Variants in FCHO2 observed in about 807,000 individuals in gnomAD.
The protein encoded by FCHO2 is FCH and mu domain containing endocytic adaptor 2, also known as F-BAR domain only protein 2.
Under a neutral mutation model 114.1 loss-of-function variants are expected in FCHO2, and 43 were observed. That is an observed-to-expected ratio of 0.38 (90% CI 0.30 to 0.49). The LOEUF is 0.49. Ranked by LOEUF, FCHO2 falls within the 20% of genes least tolerant of loss-of-function variation. The probability of loss-of-function intolerance (pLI) is 0.97; values close to 1 mark genes in which losing one functional copy is unlikely to be tolerated. For missense variants in FCHO2, 807 were observed against 950.4 expected, an observed-to-expected ratio of 0.85 and a Z score of 1.98; for synonymous variants, 293 against 315.2, an observed-to-expected ratio of 0.93 and a Z score of 0.75.
At chr5:72,968,655 A>G in intron 2 of FCHO2, 66 bp downstream of exon 2, 2 of 1,125,762 alleles carry the variant, frequency 1.8e-6, no homozygotes, top group South Asian at 1.6e-5. Flanking sequence ...TAGAATATAA[A>G]TAATGGAGAA....
chr5:73,063,724 G>T (rs1757946024), intron 17 of FCHO2, 117 bp from the exon 18 acceptor site: 2 of 811,888 alleles, frequency 2.5e-6, no homozygotes, highest in Non-Finnish European at 4.1e-6. Flanking sequence ...TCTAAAAAAA[G>T]AGCCTCCTGA....
chr5:72,959,999 C>T (rs984044694), intron 1 of FCHO2, among the ~76,000 whole-genome samples: 22 of 152,130 alleles, frequency 1.4e-4, no homozygotes, highest in Non-Finnish European at 2.5e-4. Context: ...AGGCTGGTCT[C>T]GAACTCCTGG....
intron 8 of FCHO2, chr5:73,020,969 C>G (rs533425332): frequency 1.1e-4 from 170 of 1,595,878 alleles, no homozygotes; most frequent in Non-Finnish European, 1.2e-4. Context: ...TTGAGTGGTT[C>G]GGGTCCATTC....
intron 17 of FCHO2, among the ~76,000 whole-genome samples, chr5:73,060,863 T>C (rs2112856878): frequency 6.6e-6 from 1 of 152,174 alleles, no homozygotes; most frequent in East Asian, 1.9e-4. Flanking sequence ...AGCATTCATG[T>C]TTATGTCAGA....
intron 2 of FCHO2, among the ~76,000 whole-genome samples, chr5:72,981,081 T>C (rs1753183448): frequency 6.6e-6 from 1 of 152,144 alleles, no homozygotes; most frequent in Admixed American, 6.6e-5. Flanking sequence ...GTTGCTGGTG[T>C]TGGTTGTTTC....
At chr5:72,997,701 G>T in intron 5 of FCHO2, 1 of 1,536,382 alleles carries the variant, frequency 6.5e-7, no homozygotes, top group South Asian at 1.1e-5. Context: ...GCGAGCCCTT[G>T]GGATACCGTT....
intron 8 of FCHO2, chr5:73,021,119 C>T (rs1195516239): frequency 2.5e-6 from 2 of 785,902 alleles, no homozygotes; most frequent in Non-Finnish European, 4.7e-6. Flanking sequence ...ATGACAAGTT[C>T]TGGAATCCTC....
At chr5:73,003,873 C>G (rs1754574109) in intron 5 of FCHO2, among the ~76,000 whole-genome samples, 1 of 151,558 alleles carries the variant, frequency 6.6e-6, no homozygotes. Context: ...GTGAGTGAGA[C>G]CCCATCTCTA....
At position 73,074,727 on chromosome 5, in the gene FCHO2, T is replaced by C. The variant is rs1303191542; in HGVS notation, c.1580-15T>C. On this transcript the variant is annotated splice_polypyrimidine_tract_variant and intron_variant, in intron 19 of 25. Transcript: ENST00000430046. Reference sequence around the variant, plus strand: ...CTTTCTGAAGGATTTAACAAGTTAATTGTGTATATTCTAGGTGTGTCACGG... The same window carrying C: ...CTTTCTGAAGGATTTAACAAGTTAACTGTGTATATTCTAGGTGTGTCACGG... The C allele has an allele frequency of 4.4e-6, 7 of 1,600,174 alleles. No individual in the cohort carries two copies. Among genetic ancestry groups the C allele is most frequent in the Non-Finnish European group, 5.1e-6 (6 of 1,170,462 alleles).
chr5:72,989,386 C>T, intron 2 of FCHO2, 41 bp from the exon 3 acceptor site: 1 of 1,452,764 alleles, frequency 6.9e-7, no homozygotes, highest in Non-Finnish European at 9.4e-7. Context: ...TTTTTGGTCA[C>T]TAAATAAGAA....
At chr5:73,059,866 G>A (rs1052992838) in intron 17 of FCHO2, among the ~76,000 whole-genome samples, 1 of 151,880 alleles carries the variant, frequency 6.6e-6, no homozygotes, top group African/African-American at 2.4e-5. Flanking sequence ...GTTGTTGCCA[G>A]ATCTCTCTTT....
chr5:73,058,500 T>G lies in FCHO2; in HGVS notation c.1321T>G (p.Ser441Ala), dbSNP rs1483183186. Residue 441 changes from serine to alanine, a missense_variant, in exon 17 of 26, where the codon TCT becomes GCT. Ser to Ala is a moderately conservative substitution (Grantham distance 99). Coordinates refer to ENST00000430046, the MANE Select transcript of FCHO2 (RefSeq NM_138782.3). Reference protein sequence around the residue: ...FGPSLDSSSSSSLTSSSSARP... With the variant: ...FGPSLDSSSSASLTSSSSARP... ...ACCATCTCTTGATTCATCTTCTTCA[T>G]CTTCACTAACTTCATCATCATCAGG... is the stretch of plus-strand genomic sequence containing the variant. 3 of 1,507,692 alleles carry G rather than the reference T, an allele frequency of 2.0e-6. No homozygotes were observed. In the Admixed American group the frequency reaches 5.4e-5, roughly 27 times the overall value. The allele number at this position is 1,507,692 out of a possible 1,614,324, so 93.4% of individuals were successfully genotyped here.
intron 16 of FCHO2, 96 bp downstream of exon 16, chr5:73,056,203 C>T: frequency 3.4e-6 from 3 of 895,192 alleles, no homozygotes; most frequent in Middle Eastern, 4.7e-4. Flanking sequence ...ACAGAGATTT[C>T]CCTTTATGCT....
Position 73,088,072 on chromosome 5 carries a change from A to G in FCHO2, c.2415A>G (p.Arg805=). 6.2e-7 allele frequency: 1 copy of G among 1,613,590 alleles called. No homozygotes were observed. Among genetic ancestry groups the G allele is most frequent in the Non-Finnish European group, 8.5e-7 (1 of 1,179,762 alleles). The change falls in exon 26 of 26, where the codon CGA becomes CGG. Residue 805 remains arginine, a synonymous_variant. Coordinates refer to ENST00000430046, the MANE Select transcript of FCHO2 (RefSeq NM_138782.3). Reference sequence around the variant, plus strand: ...GGTCTGCTTGGCGTTTTTCAGGACGATACCTGGCGGATTGTTGATGGACCT... The same window carrying G: ...GGTCTGCTTGGCGTTTTTCAGGACGGTACCTGGCGGATTGTTGATGGACCT... ...SLIKKRFATG[R]YLADC is the part of the protein sequence containing the mutation.
At chr5:73,052,287 A>G (rs376606064) in intron 12 of FCHO2, 45 bp from the exon 13 acceptor site, 1 of 1,507,012 alleles carries the variant, frequency 6.6e-7, no homozygotes, top group South Asian at 1.3e-5. Context: ...AAAACTGGTT[A>G]TACGTCTAAG....
chr5:73,083,764 C>T (rs994934961), intron 24 of FCHO2, among the ~76,000 whole-genome samples: 18 of 151,968 alleles, frequency 1.2e-4, no homozygotes, highest in South Asian at 8.3e-4. Context: ...TCATGGTGCA[C>T]GCCTGTAATT....
At chr5:73,052,561 T>G in intron 13 of FCHO2, 54 bp downstream of exon 13, 2 of 1,380,962 alleles carry the variant, frequency 1.4e-6, no homozygotes, top group African/African-American at 3.0e-5. Context: ...TTTTCTTACC[T>G]ACCTGTGTCT....
intron 20 of FCHO2, among the ~76,000 whole-genome samples, chr5:73,075,261 T>G (rs1742858787): frequency 6.6e-6 from 1 of 152,086 alleles, no homozygotes. Flanking sequence ...GGCTACTATT[T>G]TAGATAGAAT....
chr5:73,032,269 C>T (rs1756276704), intron 8 of FCHO2, among the ~76,000 whole-genome samples: 1 of 152,008 alleles, frequency 6.6e-6, no homozygotes, highest in African/African-American at 2.4e-5. Flanking sequence ...TTTATTATGC[C>T]AGAAATCATT....
Sources: gnomAD v4.1 joint callset for allele counts (sites outside exome capture counted in the v4.1 genomes callset) on GRCh38, gnomAD v4.1.1 for gene constraint, MANE v1.5 for transcripts, NCBI Gene and HGNC (gene_info 2026-07-23, HGNC 2026-07-21) for gene names.